MKLN1: variants seen among roughly 807,000 people sequenced by gnomAD.
MKLN1 encodes the protein muskelin 1.
A neutral mutation model predicts 99.0 loss-of-function variants in MKLN1; 18 were observed. The observed-to-expected ratio is 0.18, with a 90% CI of 0.13 to 0.27. The LOEUF is 0.27. Ranked by LOEUF, MKLN1 falls within the 10% of genes least tolerant of loss-of-function variation. MKLN1 has a pLI of 1.00. For missense variants in MKLN1, 621 were observed against 875.9 expected (o/e 0.71, Z 3.67); for synonymous variants, 288 against 293.2 (o/e 0.98, Z 0.18).
chr7:131,248,956 A>T (rs1443777278), intron 3 of MKLN1, among the ~76,000 whole-genome samples: 1 of 152,150 alleles, frequency 6.6e-6, no homozygotes. Flanking sequence ...GTCACTTACC[A>T]CTTTCCTCAC....
chr7:131,186,253 C>T (rs1796448977), intron 2 of MKLN1, among the ~76,000 whole-genome samples: 1 of 152,146 alleles, frequency 6.6e-6, no homozygotes, highest in Non-Finnish European at 1.5e-5. Flanking sequence ...CCAGTAATCC[C>T]AGCACTTTGG....
At chr7:131,438,433 T>C (rs1320446687) in intron 10 of MKLN1, among the ~76,000 whole-genome samples, 1 of 150,022 alleles carries the variant, frequency 6.7e-6, no homozygotes, top group East Asian at 1.9e-4. Context: ...TTTGTTTTGT[T>C]TATAGTCACA....
At chr7:131,384,357 C>A (rs948396302) in intron 2 of MKLN1, among the ~76,000 whole-genome samples, 1 of 151,734 alleles carries the variant, frequency 6.6e-6, no homozygotes, top group Non-Finnish European at 1.5e-5. Context: ...AATCCAATGA[C>A]AAGTGTCCTT....
At chr7:131,313,306 T>A (rs201758085) in intron 3 of MKLN1, among the ~76,000 whole-genome samples, 1 of 152,226 alleles carries the variant, frequency 6.6e-6, no homozygotes. Flanking sequence ...CAGACATGTA[T>A]ACATGGTACA....
intron 3 of MKLN1, among the ~76,000 whole-genome samples, chr7:131,275,571 T>A (rs56374247): frequency 1.8e-3 from 130 of 72,704 alleles, no homozygotes; most frequent in African/African-American, 4.4e-3. Flanking sequence ...ATATATATTT[T>A]TTTTTTTTTT....
chr7:131,295,883 CAAAAAA>C (rs57235729), intron 3 of MKLN1, among the ~76,000 whole-genome samples: 3 of 103,456 alleles, frequency 2.9e-5, no homozygotes, highest in Non-Finnish European at 6.2e-5. Context: ...ACGTCCTATC[CAAAAAA>C]AAAAAAAAAG....
intron 15 of MKLN1, 67 bp from the exon 16 acceptor site, chr7:131,470,775 A>G (rs1195412052): frequency 6.9e-6 from 7 of 1,014,796 alleles, no homozygotes; most frequent in Non-Finnish European, 9.3e-6. Context: ...ATTTTATTCC[A>G]GGTCTGAAAG....
chr7:131,160,649 G>C (rs1270745236), intron 2 of MKLN1, among the ~76,000 whole-genome samples: 2 of 149,480 alleles, frequency 1.3e-5, no homozygotes, highest in Non-Finnish European at 3.0e-5. Flanking sequence ...CTCCTGAGTA[G>C]CTGGGACTAT....
intron 3 of MKLN1, among the ~76,000 whole-genome samples, chr7:131,284,681 C>T (rs1280314264): frequency 6.6e-6 from 1 of 152,198 alleles, no homozygotes; most frequent in Non-Finnish European, 1.5e-5. Flanking sequence ...GCTGCCTTCC[C>T]TCTCACCAGG....
chr7:131,154,870 G>A (rs4731758), intron 2 of MKLN1, among the ~76,000 whole-genome samples: 147,380 of 152,206 alleles, frequency 0.97, 71,554 homozygotes, highest in East Asian at 1. Flanking sequence ...GTAGGAACAT[G>A]TTTAAACTCT....
intron 6 of MKLN1, among the ~76,000 whole-genome samples, chr7:131,403,769 A>G (rs1794620769): frequency 1.3e-5 from 2 of 152,198 alleles, no homozygotes; most frequent in Non-Finnish European, 2.9e-5. Context: ...ATGGTGCCTC[A>G]AAACAATTAC....
chr7:131,116,609 G>A (rs1242142379), intron 1 of MKLN1, among the ~76,000 whole-genome samples: 2 of 151,780 alleles, frequency 1.3e-5, no homozygotes, highest in Admixed American at 6.6e-5. Context: ...ACTTTGAAAA[G>A]ATAGTAGGAT....
chr7:131,181,859 C>A (rs534319694), intron 2 of MKLN1, among the ~76,000 whole-genome samples: 1 of 152,100 alleles, frequency 6.6e-6, no homozygotes, highest in Non-Finnish European at 1.5e-5. Flanking sequence ...GAGATTTCAC[C>A]ATATTGGTCA....
intron 8 of MKLN1, among the ~76,000 whole-genome samples, chr7:131,419,760 G>A (rs1298934850): frequency 1.3e-5 from 2 of 152,074 alleles, no homozygotes; most frequent in African/African-American, 4.8e-5. Flanking sequence ...AAAGAGAGTG[G>A]GAAGAGGTGA....
chr7:131,364,419 G>A (rs1800118374), intron 1 of MKLN1, among the ~76,000 whole-genome samples: 1 of 151,430 alleles, frequency 6.6e-6, no homozygotes. Flanking sequence ...TTAATCTTGG[G>A]TATTTAAATG....
At chr7:131,338,964 C>T (rs907321086) in intron 1 of MKLN1, among the ~76,000 whole-genome samples, 2 of 152,188 alleles carry the variant, frequency 1.3e-5, no homozygotes, top group African/African-American at 4.8e-5. Context: ...TTGTGATGAT[C>T]CACTTCCATT....
chr7:131,200,290 G>A (rs1348067029), intron 2 of MKLN1, among the ~76,000 whole-genome samples: 1 of 152,182 alleles, frequency 6.6e-6, no homozygotes, highest in Non-Finnish European at 1.5e-5. Flanking sequence ...AAAGGAAAGA[G>A]TAAAATTCCC....
At chr7:131,257,008 A>G (rs1458168891) in intron 3 of MKLN1, among the ~76,000 whole-genome samples, 2 of 152,222 alleles carry the variant, frequency 1.3e-5, no homozygotes, top group South Asian at 2.1e-4. Flanking sequence ...TATAAGCTCT[A>G]TACATACATA....
chr7:131,434,743 A>G (rs765502230), intron 9 of MKLN1, among the ~76,000 whole-genome samples: 2 of 152,058 alleles, frequency 1.3e-5, no homozygotes, highest in Non-Finnish European at 2.9e-5. Context: ...GTGTAGAGAT[A>G]GGATCTCTGT....
Sources: allele counts gnomAD v4.1 joint callset (sites outside exome capture counted in the v4.1 genomes callset), GRCh38; gene constraint gnomAD v4.1.1; transcripts MANE v1.5; gene names NCBI Gene and HGNC (gene_info 2026-07-23, HGNC 2026-07-21).